TTC28: variants seen among roughly 807,000 people sequenced by gnomAD.
TTC28 encodes tetratricopeptide repeat protein 28.
A neutral mutation model predicts 198.0 loss-of-function variants in TTC28; 61 were observed. The observed-to-expected ratio is 0.31, with a 90% confidence interval of 0.25 to 0.38. TTC28 has a LOEUF of 0.38. Among genes scored for constraint, TTC28 ranks in the 10% least tolerant of loss-of-function variants. The probability of loss-of-function intolerance (pLI) is 1.00; values close to 1 mark genes in which losing one functional copy is unlikely to be tolerated. For missense variants in TTC28, 2,678 were observed against 3,164.0 expected, an observed-to-expected ratio of 0.85 and a Z score of 3.69; for synonymous variants, 1,171 against 1,297.8, an observed-to-expected ratio of 0.90 and a Z score of 2.10.
chr22:28,215,956 T>C (rs947213371), intron 5 of TTC28, among the ~76,000 whole-genome samples: 5 of 152,176 alleles, frequency 3.3e-5, no homozygotes, highest in African/African-American at 1.2e-4. Flanking sequence ...GCTTAAAAAT[T>C]AAATACCAAA....
At chr22:28,260,240 A>G (rs574031325) in intron 5 of TTC28, among the ~76,000 whole-genome samples, 13 of 152,308 alleles carry the variant, frequency 8.5e-5, no homozygotes, top group African/African-American at 2.9e-4. Context: ...GAAAACCAGT[A>G]GCAGTTGTAA....
At chr22:28,413,906 A>G (rs946129374) in intron 2 of TTC28, among the ~76,000 whole-genome samples, 2 of 152,174 alleles carry the variant, frequency 1.3e-5, no homozygotes, top group South Asian at 4.1e-4. Context: ...CCCAAAAGAG[A>G]GGTGGAAACT....
Position 27,983,113 on chromosome 22 carries a change from C to A in TTC28, c.6554G>T (p.Gly2185Val). 1 of 1,551,772 alleles carries A rather than the reference C, an allele frequency of 6.4e-7. No individual in the cohort carries two copies. Among genetic ancestry groups the A allele is most frequent in the Non-Finnish European group, 8.7e-7 (1 of 1,147,024 alleles). ...IAVERLQRSGGQVSKSNNPED... is the reference protein window; with the variant it reads ...IAVERLQRSGVQVSKSNNPED... ...AGGGTTATTACTCTTGCTCACCTGGCCGCCGCTCCTCTGAAGACGCTCCAC... is the reference window on the plus strand; with the variant it reads ...AGGGTTATTACTCTTGCTCACCTGGACGCCGCTCCTCTGAAGACGCTCCAC... Residue 2185 changes from glycine to valine, a missense_variant, in exon 23 of 23, where the codon GGC becomes GTC. Physicochemically the swap from Gly to Val is moderately radical, Grantham distance 109. Around this residue, in one of 8 missense-constraint regions of TTC28, gnomAD observed 622 missense variants for 656.0 expected, o/e 0.95. Transcript: ENST00000397906.
At chr22:28,158,347 T>C (rs751132676) in intron 6 of TTC28, among the ~76,000 whole-genome samples, 1 of 152,060 alleles carries the variant, frequency 6.6e-6, no homozygotes, top group Non-Finnish European at 1.5e-5. Context: ...AAGCAATCTA[T>C]AGATTCAATG....
intron 2 of TTC28, among the ~76,000 whole-genome samples, chr22:28,627,189 T>A (rs1397057557): frequency 6.6e-6 from 1 of 152,152 alleles, no homozygotes; most frequent in Non-Finnish European, 1.5e-5. Flanking sequence ...AGTAAAAATG[T>A]CACAATCATA....
At chr22:28,377,865 A>G (rs893190721) in intron 2 of TTC28, among the ~76,000 whole-genome samples, 3 of 152,224 alleles carry the variant, frequency 2.0e-5, no homozygotes, top group Non-Finnish European at 4.4e-5. Context: ...ATAATAAACC[A>G]ATAAAAATGA....
intron 2 of TTC28, among the ~76,000 whole-genome samples, chr22:28,407,932 G>A (rs1223967563): frequency 6.6e-6 from 1 of 152,122 alleles, no homozygotes; most frequent in Non-Finnish European, 1.5e-5. Flanking sequence ...AAGGCCACAG[G>A]ATATCAATTA....
intron 6 of TTC28, among the ~76,000 whole-genome samples, chr22:28,130,993 T>G (rs1943047772): frequency 6.6e-6 from 1 of 152,242 alleles, no homozygotes; most frequent in Admixed American, 6.5e-5. Context: ...CAATTATCCC[T>G]TTTATCAAGC....
chr22:28,502,586 T>G (rs2048552293), intron 2 of TTC28, among the ~76,000 whole-genome samples: 1 of 151,384 alleles, frequency 6.6e-6, no homozygotes, highest in Admixed American at 6.6e-5. Flanking sequence ...AGGCAGAGCT[T>G]GCAGTGAGCC....
chr22:28,657,340 A>T (rs2051675494), intron 1 of TTC28, among the ~76,000 whole-genome samples: 1 of 152,236 alleles, frequency 6.6e-6, no homozygotes, highest in African/African-American at 2.4e-5. Context: ...TTTAAATTTC[A>T]TATCTGGATT....
At chr22:28,066,925 G>A (rs1302381993) in intron 12 of TTC28, among the ~76,000 whole-genome samples, 1 of 152,150 alleles carries the variant, frequency 6.6e-6, no homozygotes, top group Non-Finnish European at 1.5e-5. Context: ...CTTCACCTGT[G>A]TTTGGCAGGG....
At chr22:28,286,101 G>A (rs1315816219) in intron 5 of TTC28, among the ~76,000 whole-genome samples, 2 of 151,734 alleles carry the variant, frequency 1.3e-5, no homozygotes, top group African/African-American at 2.4e-5. Context: ...CTGGGTTCAC[G>A]CCATTCTCCT....
chr22:28,562,664 T>A (rs1270793830), intron 2 of TTC28, among the ~76,000 whole-genome samples: 1 of 151,924 alleles, frequency 6.6e-6, no homozygotes, highest in East Asian at 1.9e-4. Context: ...CCCACACTAG[T>A]AACATAAAGA....
At chr22:28,626,504 G>T (rs1224708104) in intron 2 of TTC28, among the ~76,000 whole-genome samples, 1 of 151,698 alleles carries the variant, frequency 6.6e-6, no homozygotes, top group Non-Finnish European at 1.5e-5. Context: ...AAAAGAAAAA[G>T]GAATTGACAA....
intron 2 of TTC28, among the ~76,000 whole-genome samples, chr22:28,431,850 C>T (rs2047434208): frequency 1.3e-5 from 2 of 151,652 alleles, no homozygotes; most frequent in African/African-American, 2.4e-5. Context: ...TGGTGGCATG[C>T]ACCTGTAATC....
intron 1 of TTC28, among the ~76,000 whole-genome samples, chr22:28,671,358 G>C (rs150446509): frequency 2.0e-5 from 3 of 151,826 alleles, no homozygotes; most frequent in Non-Finnish European, 2.9e-5. Flanking sequence ...TTCCTTGGCC[G>C]GGCGCGGTGG....
chr22:28,373,755 A>C (rs372590830), intron 2 of TTC28, among the ~76,000 whole-genome samples: 155 of 152,336 alleles, frequency 1.0e-3, no homozygotes, highest in African/African-American at 3.4e-3. Context: ...CTCTGTCAGT[A>C]ATCACTGCCC....
At chr22:28,422,011 G>A (rs957368521) in intron 2 of TTC28, among the ~76,000 whole-genome samples, 5 of 151,412 alleles carry the variant, frequency 3.3e-5, no homozygotes, top group Admixed American at 2.0e-4. Context: ...TATAAGCTTC[G>A]AACAGATTTG....
intron 2 of TTC28, among the ~76,000 whole-genome samples, chr22:28,311,158 A>G (rs1340501605): frequency 3.3e-5 from 5 of 152,128 alleles, no homozygotes; most frequent in Admixed American, 2.6e-4. Flanking sequence ...ATTTCTAATT[A>G]TAACATGGTT....
Sources: allele counts gnomAD v4.1 joint callset (sites outside exome capture counted in the v4.1 genomes callset), GRCh38; gene constraint gnomAD v4.1.1; regional missense constraint gnomAD v4.1.1; transcripts MANE v1.5; gene names NCBI Gene and HGNC (gene_info 2026-07-23, HGNC 2026-07-21).